Variants in TG observed in about 807,000 individuals in gnomAD.
The protein encoded by TG is thyroid hormones.
TG carries 270 observed loss-of-function variants against 324.7 expected under a neutral mutation model. That is an observed-to-expected ratio of 0.83 (90% CI 0.75 to 0.92). TG has a LOEUF of 0.92. Ranked by LOEUF, TG falls within the 40% of genes least tolerant of loss-of-function variation. TG has a pLI of 0.00. For synonymous variants in TG, 1,401 were observed against 1,327.0 expected, an observed-to-expected ratio of 1.06 and a Z score of -1.21; for missense variants, 3,591 against 3,456.4, an observed-to-expected ratio of 1.04 and a Z score of -0.98.
At chr8:132,869,596 C>T in intron 2 of TG, 133 bp from the exon 3 acceptor site, 1 of 786,656 alleles carries the variant, frequency 1.3e-6, no homozygotes, top group South Asian at 1.5e-5. Context: ...CTTCTCCACT[C>T]CACTCTCTCC....
intron 40 of TG, among the ~76,000 whole-genome samples, chr8:133,026,227 G>A (rs1042957066): frequency 6.6e-6 from 1 of 152,192 alleles, no homozygotes; most frequent in African/African-American, 2.4e-5. Context: ...AGCATCTGCT[G>A]CTGTATCCCA....
At chr8:132,958,557 A>G (rs1827273526) in intron 27 of TG, among the ~76,000 whole-genome samples, 1 of 152,054 alleles carries the variant, frequency 6.6e-6, no homozygotes, top group Non-Finnish European at 1.5e-5. Context: ...GTCTCTACTA[A>G]AAATACAAAA....
intron 41 of TG, among the ~76,000 whole-genome samples, chr8:133,068,922 A>C (rs1843523274): frequency 6.6e-6 from 1 of 152,272 alleles, no homozygotes; most frequent in Non-Finnish European, 1.5e-5. Flanking sequence ...CAGGCTATAA[A>C]TGGGGTTTGG....
At position 132,871,507 on chromosome 8, in the gene TG, G is replaced by A; in HGVS notation, c.434G>A (p.Gly145Glu). ...QVQCWCVDAEGMEVYGTRQLG... is the reference protein window; with the variant it reads ...QVQCWCVDAEEMEVYGTRQLG... The stretch of plus-strand genomic sequence containing the variant: ...CAGTGCTGGTGTGTGGACGCAGAGG[G>A]GATGGAGGTGTATGGGACCCGCCAG... The change falls in exon 4 of 48, where the codon GGG (glycine) becomes GAG (glutamate). Residue 145 changes from glycine (G) to glutamate (E), a missense_variant. Gly to Glu is a moderately conservative substitution (Grantham distance 98). Transcript: ENST00000220616. The A allele has an allele frequency of 6.2e-7, 1 of 1,614,144 alleles. No individual in the cohort carries two copies. Among genetic ancestry groups the A allele is most frequent in the East Asian group, 2.2e-5 (1 of 44,876 alleles).
chr8:133,027,087 G>C (rs1836165167), intron 40 of TG, among the ~76,000 whole-genome samples: 1 of 152,182 alleles, frequency 6.6e-6, no homozygotes, highest in Admixed American at 6.5e-5. Flanking sequence ...GGCTGGTGTG[G>C]TTCCATGGCC....
chr8:132,884,633 T>C (rs1815127626), intron 8 of TG, among the ~76,000 whole-genome samples: 2 of 152,238 alleles, frequency 1.3e-5, no homozygotes, highest in African/African-American at 4.8e-5. Context: ...GTATTTACAA[T>C]CACATTTCAT....
intron 41 of TG, among the ~76,000 whole-genome samples, chr8:133,040,865 T>C (rs989138149): frequency 2.6e-5 from 4 of 152,198 alleles, no homozygotes; most frequent in Non-Finnish European, 5.9e-5. Context: ...AATCTCTCTT[T>C]CACTCTAGAA....
chr8:133,058,556 G>A (rs1841879991), intron 41 of TG, among the ~76,000 whole-genome samples: 1 of 152,200 alleles, frequency 6.6e-6, no homozygotes, highest in South Asian at 2.1e-4. Flanking sequence ...TCGGTGGGTG[G>A]GTGCCTCCCC....
In TG at chr8:132,920,447, T is replaced by A. The variant is rs148842234; in HGVS notation, c.4528+922T>A. Among the ~76,000 whole-genome samples the A allele has an allele frequency of 4.2e-3, 633 of 152,286 alleles. 4 individuals are homozygous for A. The highest frequency in any genetic ancestry group is 0.02 in the Middle Eastern group (6 of 294). On this transcript the variant is annotated intron_variant, in intron 21 of 47. Transcript: ENST00000220616. ...AAAGCAGTAATAATAGAACAGTAAT[T>A]CCAATAAAATAAAAGTAAAAGGAAT...
At chr8:132,883,273 C>T (rs535462192) in intron 8 of TG, 73 of 455,062 alleles carry the variant, frequency 1.6e-4, no homozygotes, top group East Asian at 2.9e-4. Flanking sequence ...TTCCCATGTG[C>T]GGTGAGACAG....
Position 133,116,714 on chromosome 8 carries a change from C to G in TG, c.7860C>G (p.Gly2620=), listed in dbSNP as rs1447025594. Residue 2620 remains glycine (G), a splice_region_variant and synonymous_variant, in exon 45 of 48, where the codon GGC becomes GGG. Coordinates refer to ENST00000220616, the MANE Select transcript of TG (RefSeq NM_003235.5). ...MYHAPENYGH[G]SLELLADVQF... ...ATGCTCCTGAAAACTACGGCCATGGCAGGTAAGACGCTGCAGGGAAGCAGA... is the reference window on the plus strand; with the variant it reads ...ATGCTCCTGAAAACTACGGCCATGGGAGGTAAGACGCTGCAGGGAAGCAGA... 10 of 1,613,820 alleles carry G rather than the reference C, an allele frequency of 6.2e-6. No individual in the cohort carries two copies. In the Middle Eastern group the frequency reaches 6.6e-4, roughly 106 times the overall value.
chr8:133,058,825 CT>C (rs1290870822), intron 41 of TG, among the ~76,000 whole-genome samples: 1 of 152,172 alleles, frequency 6.6e-6, no homozygotes, highest in African/African-American at 2.4e-5. Flanking sequence ...GGGGAATATT[CT>C]TTTTGTTTAT....
At chr8:133,064,481 G>C (rs1218270655) in intron 41 of TG, among the ~76,000 whole-genome samples, 1 of 152,174 alleles carries the variant, frequency 6.6e-6, no homozygotes, top group Non-Finnish European at 1.5e-5. Context: ...TGAGATCAGG[G>C]GTTAGTCACC....
chr8:133,011,432 T>A (rs1348265090), intron 35 of TG, among the ~76,000 whole-genome samples: 1 of 152,120 alleles, frequency 6.6e-6, no homozygotes, highest in East Asian at 1.9e-4. Context: ...GGGGTCTAAA[T>A]GGCACCCCAC....
Position 132,955,980 on chromosome 8 carries a change from G to A in TG, c.5402-5028G>A, listed in dbSNP as rs1017363769. 3.9e-5 allele frequency among the ~76,000 whole-genome samples: 6 copies of A among 152,232 alleles called. 1 individual carries two copies. In the South Asian group the frequency reaches 6.2e-4, roughly 16 times the overall value. On this transcript the variant is annotated intron_variant, in intron 27 of 47. Coordinates refer to ENST00000220616, the MANE Select transcript of TG (RefSeq NM_003235.5). ...AGCGACCCTGATTCAGGGGCTGGAGGCCTGTATGTGTAGAAGGGATATTCT... is the reference window on the plus strand; with the variant it reads ...AGCGACCCTGATTCAGGGGCTGGAGACCTGTATGTGTAGAAGGGATATTCT...
At chr8:132,929,251 G>C in intron 23 of TG, 59 bp downstream of exon 23, 2 of 1,317,166 alleles carry the variant, frequency 1.5e-6, no homozygotes, top group Non-Finnish European at 2.2e-6. Flanking sequence ...GCTCTGCTGA[G>C]AGTTGTCGAG....
At chr8:133,098,014 A>G (rs1423518267) in intron 43 of TG, among the ~76,000 whole-genome samples, 1 of 152,094 alleles carries the variant, frequency 6.6e-6, no homozygotes, top group Admixed American at 6.6e-5. Context: ...GCTTGCATCT[A>G]GCTAACTCAC....
rs552547184 is a variant in TG, at chr8:132,901,683, T to A, written c.3634+130T>A. The A allele has an allele frequency of 5.4e-4, 533 of 993,256 alleles. 7 individuals carry two copies. The South Asian group carries it at 8.4e-3, about 16-fold the overall frequency. The allele number at this position is 993,256 out of a possible 1,614,324, so 61.5% of individuals were successfully genotyped here. A position where few individuals can be genotyped will look rare whatever the true frequency, so the allele number is the denominator to read the frequency against. On this transcript the variant is annotated intron_variant, in intron 16 of 47. Transcript: ENST00000220616. ...GGCAGGAAGTGCAGGAGGGATGTAG[T>A]TGTGGTTGAGTCCCTTCGTGTGAAA... is the stretch of plus-strand genomic sequence containing the variant.
At chr8:132,924,124 T>C (rs1821487439) in intron 22 of TG, among the ~76,000 whole-genome samples, 1 of 151,344 alleles carries the variant, frequency 6.6e-6, no homozygotes, top group Non-Finnish European at 1.5e-5. Context: ...AACTAGATGG[T>C]CCCATTTGGG....
Sources: gnomAD v4.1 joint callset for allele counts (sites outside exome capture counted in the v4.1 genomes callset) on GRCh38, gnomAD v4.1.1 for gene constraint, MANE v1.5 for transcripts, NCBI Gene and HGNC (gene_info 2026-07-23, HGNC 2026-07-21) for gene names.